The following NTN5 variants were observed in gnomAD, a reference collection of about 807,000 sequenced individuals.
NTN5 encodes the protein netrin 5, also known as netrin-5.
A neutral mutation model predicts 38.7 loss-of-function variants in NTN5; 42 were observed. The observed-to-expected ratio is 1.08, with a 90% confidence interval of 0.85 to 1.40. The LOEUF is 1.40. Among genes scored for constraint, NTN5 ranks in the 40% most tolerant of loss-of-function variants. The pLI, the probability that NTN5 is intolerant of heterozygous loss-of-function variation, is 0.00. For synonymous variants in NTN5, 329 were observed against 303.9 expected (o/e 1.08, Z -0.86); for missense variants, 658 against 716.5 (o/e 0.92, Z 0.93).
Position 48,661,551 on chromosome 19 carries a change from G to A in NTN5, c.*126C>T, listed in dbSNP as rs2147734629. ...GCACGCCTGCTCGGCGTGGGCGCAA[G>A]CATAGTGTCGTCGGGGCTCTGCGAC... On this transcript the variant is annotated 3_prime_UTR_variant, in exon 7 of 7. Coordinates refer to ENST00000270235, the MANE Select transcript of NTN5 (RefSeq NM_145807.4). 1.7e-6 allele frequency: 2 copies of A among 1,171,596 alleles called. No homozygotes were observed. Among genetic ancestry groups the A allele is most frequent in the East Asian group, 3.4e-5 (1 of 29,406 alleles). 72.6% of individuals were successfully genotyped at this position (1,171,596 alleles called of 1,614,324 possible).
Position 48,670,691 on chromosome 19 carries a change from C to G in NTN5, c.296G>C (p.Gly99Ala), listed in dbSNP as rs750796586. ...GTGCCACAGCAGCCTCCAGGGACCC[C>G]CTGAGGCCCAGGCAGCAGACAGGAT... ...ALILSAAWAS[G>A]GPWRLLWHRP... Residue 99 changes from glycine to alanine, a missense_variant, in exon 2 of 7, where the codon GGG becomes GCG. By Grantham distance (60) the Gly-to-Ala change is moderately conservative. Coordinates refer to ENST00000270235, the MANE Select transcript of NTN5 (RefSeq NM_145807.4). The G allele has an allele frequency of 2.5e-6, 4 of 1,610,816 alleles. No individual in the cohort carries two copies. The South Asian group carries it at 3.3e-5, about 13-fold the overall frequency.
chr19:48,663,259 C>T (rs1406821747), intron 6 of NTN5: 2 of 682,356 alleles, frequency 2.9e-6, no homozygotes, highest in East Asian at 5.6e-5. Context: ...AAAGAGGAGA[C>T]ACAGGAAGGT....
At chr19:48,663,046 AGGG>A in intron 6 of NTN5, 8 of 372,464 alleles carry the variant, frequency 2.1e-5, no homozygotes, top group South Asian at 8.0e-5. Context: ...ACTGGGGATT[AGGG>A]AACCGTGGGA....
intron 2 of NTN5, among the ~76,000 whole-genome samples, chr19:48,669,411 C>T (rs867400645): frequency 4.5e-5 from 1 of 22,288 alleles, no homozygotes. Flanking sequence ...ACCACCATCA[C>T]CACCACCATC....
At chr19:48,664,005 C>T (rs2031620070) in intron 4 of NTN5, 138 bp downstream of exon 4, 2 of 1,243,320 alleles carry the variant, frequency 1.6e-6, no homozygotes, top group Non-Finnish European at 2.2e-6. Flanking sequence ...CCTGCTTATC[C>T]GAGGGCCCAG....
chr19:48,661,680 G>T lies in NTN5; in HGVS notation c.1467C>A (p.His489Gln). ...RAPTPSPRPEH is the reference protein window; with the variant it reads ...RAPTPSPRPEQ ...TCGAGGCAGCCCCATCTCACGTCTA[G>T]TGCTCCGGCCTGGGACTGGGTGTGG... Residue 489 changes from histidine to glutamine, a missense_variant, in exon 7 of 7, where the codon CAC becomes CAA. Transcript: ENST00000270235. 6.5e-7 allele frequency: 1 copy of T among 1,547,482 alleles called. No homozygotes were observed. The highest frequency in any genetic ancestry group is 8.6e-7 in the Non-Finnish European group (1 of 1,157,648).
At position 48,663,976 on chromosome 19, in the gene NTN5, A is replaced by G. The variant is rs553453054; in HGVS notation, c.971-162T>C. ...CAGGCCCCAAGCCTCCTTTTCCTCA[A>G]GAGTCCAGAATTTCAGTCCCTGCTT... On this transcript the variant is annotated intron_variant, in intron 4 of 6. Coordinates refer to ENST00000270235, the MANE Select transcript of NTN5 (RefSeq NM_145807.4). 2.0e-5 allele frequency among the ~76,000 whole-genome samples: 3 copies of G among 152,140 alleles called. No homozygotes were observed. In the East Asian group the frequency reaches 5.8e-4, roughly 29 times the overall value.
At chr19:48,663,877 C>T (rs2031617548) in intron 4 of NTN5, 63 bp from the exon 5 acceptor site, 24 of 1,520,410 alleles carry the variant, frequency 1.6e-5, no homozygotes, top group Non-Finnish European at 2.2e-5. Context: ...TCGCCCCTGC[C>T]CCGGGAATCC....
chr19:48,664,120 T>C, intron 4 of NTN5, 23 bp downstream of exon 4: 1 of 1,591,520 alleles, frequency 6.3e-7, no homozygotes, highest in Non-Finnish European at 8.6e-7. Context: ...CTCAGGCTTG[T>C]GGCCTGGCCC....
intron 2 of NTN5, among the ~76,000 whole-genome samples, chr19:48,670,053 CCACCACCAT>C (rs1385287471): frequency 6.7e-6 from 1 of 149,554 alleles, no homozygotes; most frequent in Non-Finnish European, 1.5e-5. Context: ...ACCATTATCA[CCACCACCAT>C]CACCACCATC....
chr19:48,671,764 C>T (rs2031967510), intron 1 of NTN5, among the ~76,000 whole-genome samples: 1 of 152,160 alleles, frequency 6.6e-6, no homozygotes, highest in Admixed American at 6.5e-5. Flanking sequence ...TTGTTCTCCA[C>T]ACCCTGGGCA....
At chr19:48,663,631 G>T in intron 5 of NTN5, 88 bp from the exon 6 acceptor site, 1 of 1,516,388 alleles carries the variant, frequency 6.6e-7, no homozygotes, top group Non-Finnish European at 9.1e-7. Flanking sequence ...CCATCTTGAT[G>T]GCCAGCTGGG....
intron 6 of NTN5, chr19:48,662,513 CTGGAGTGCAGTGGTG>C (rs2031576671): frequency 6.5e-6 from 1 of 152,808 alleles, no homozygotes; most frequent in Non-Finnish European, 1.5e-5. Context: ...ATTGCCCAGT[CTGGAGTGCAGTGGTG>C]TGATCTCAAC....
chr19:48,664,326 T>A, intron 3 of NTN5, 34 bp from the exon 4 acceptor site: 1 of 1,601,110 alleles, frequency 6.2e-7, no homozygotes, highest in Non-Finnish European at 8.5e-7. Context: ...GCATGGGGTA[T>A]CAGGGCCCCA....
intron 5 of NTN5, 78 bp downstream of exon 5, chr19:48,663,682 GT>G: frequency 6.6e-7 from 1 of 1,524,356 alleles, no homozygotes; most frequent in Non-Finnish European, 9.1e-7. Context: ...GGTGACCCAT[GT>G]ATCCCCATCT....
In NTN5 at chr19:48,661,892, CG is replaced by C; in HGVS notation, c.1254del (p.Cys418TrpfsTer46). The C allele has an allele frequency of 7.4e-7, 1 of 1,352,536 alleles. No homozygotes were observed. Among genetic ancestry groups the C allele is most frequent in the Non-Finnish European group, 9.5e-7 (1 of 1,054,700 alleles). 83.8% of individuals were successfully genotyped at this position (1,352,536 alleles called of 1,614,324 possible). On this transcript the variant is annotated frameshift_variant, in exon 7 of 7. Coordinates refer to ENST00000270235, the MANE Select transcript of NTN5 (RefSeq NM_145807.4). LOFTEE classifies it low-confidence loss of function (END_TRUNC). The stretch of plus-strand genomic sequence containing the variant: ...GTGCCTGGCTGCAGGCGCAGGCAGC[CG>C]CAGGTCAGGTCGGCGCGGGGCACCC... Reference protein sequence around the residue: ...DAWVPRADLTCGCLRLQPGTD... With the variant: ...DAWVPRADLTXGCLRLQPGTD...
rs1241241747 is a variant in NTN5, at chr19:48,669,724, C to CCACCACCAT, written c.631+623_631+631dup. On this transcript the variant is annotated intron_variant, in intron 2 of 6. Coordinates refer to ENST00000270235, the MANE Select transcript of NTN5 (RefSeq NM_145807.4). The stretch of plus-strand genomic sequence containing the variant: ...ATCACCATCACCACCATCACCACCA[C>CCACCACCAT]CACCACCATCACCATCACCACCACC... Among the ~76,000 whole-genome samples, 19 of 132,240 alleles carry CCACCACCAT rather than the reference C, an allele frequency of 1.4e-4. No individual in the cohort carries two copies. In the East Asian group the frequency reaches 5.0e-3, roughly 34 times the overall value. 86.8% of individuals were successfully genotyped at this position (132,240 alleles called of 152,430 possible). A position where few individuals can be genotyped will look rare whatever the true frequency, so the allele number is the denominator to read the frequency against.
chr19:48,669,504 C>T (rs140319789), intron 2 of NTN5, among the ~76,000 whole-genome samples: 4 of 19,020 alleles, frequency 2.1e-4, no homozygotes, highest in East Asian at 2.8e-3. Flanking sequence ...ACCACCACCA[C>T]GACCATCATC....
chr19:48,665,674 C>T (rs2031684502), intron 2 of NTN5, among the ~76,000 whole-genome samples: 1 of 151,292 alleles, frequency 6.6e-6, no homozygotes, highest in Non-Finnish European at 1.5e-5. Flanking sequence ...CAAAAATTAG[C>T]TGGGCGTGGT....
Sources: gnomAD v4.1 joint callset for allele counts (sites outside exome capture counted in the v4.1 genomes callset) on GRCh38, gnomAD v4.1.1 for gene constraint, MANE v1.5 for transcripts, NCBI Gene and HGNC (gene_info 2026-07-23, HGNC 2026-07-21) for gene names.